The following SLC14A1 variants were observed in gnomAD, a reference collection of about 807,000 sequenced individuals.
The protein encoded by SLC14A1 is solute carrier family 14 member 1 (Kidd blood group).
In SLC14A1, 36 loss-of-function variants were observed where a neutral mutation model predicts 39.6. That is an observed-to-expected ratio of 0.91 (90% CI 0.70 to 1.20). The LOEUF (loss-of-function observed/expected upper bound fraction) is 1.20. SLC14A1 is among the 50% of genes most tolerant of loss of function. The pLI is 0.00. For missense variants in SLC14A1, 469 were observed against 478.7 expected, an observed-to-expected ratio of 0.98 and a Z score of 0.19; for synonymous variants, 164 against 173.6, an observed-to-expected ratio of 0.94 and a Z score of 0.43.
Position 45,748,549 on chromosome 18 carries a change from G to T in SLC14A1, c.996+124G>T. 3 of 965,828 alleles carry T rather than the reference G, an allele frequency of 3.1e-6. No homozygotes were observed. In the South Asian group the frequency reaches 3.9e-5, roughly 12 times the overall value. The allele number at this position is 965,828 out of a possible 1,614,324, so 59.8% of individuals were successfully genotyped here. On this transcript the variant is annotated intron_variant, in intron 9 of 9. Transcript: ENST00000321925. The stretch of plus-strand genomic sequence containing the variant: ...AGGATCCATGACCATGAGAAGCACT[G>T]CTCTCCCTTCTCCTGGAGCTCCCTG...
chr18:45,750,086 T>C lies in SLC14A1; in HGVS notation c.*135T>C. On this transcript the variant is annotated 3_prime_UTR_variant, in exon 10 of 10. Coordinates refer to ENST00000321925, the MANE Select transcript of SLC14A1 (RefSeq NM_015865.7). ...CTGACGCGTCTGTAATCTGTTCTTATGCTCATTTTGTATTTTCCTTTCAAC... is the reference window on the plus strand; with the variant it reads ...CTGACGCGTCTGTAATCTGTTCTTACGCTCATTTTGTATTTTCCTTTCAAC... The C allele has an allele frequency of 1.3e-6, 2 of 1,573,730 alleles. No homozygotes were observed. Among genetic ancestry groups the C allele is most frequent in the Non-Finnish European group, 1.7e-6 (2 of 1,166,038 alleles).
At chr18:45,748,017 G>A (rs559060415) in intron 8 of SLC14A1, among the ~76,000 whole-genome samples, 5 of 152,302 alleles carry the variant, frequency 3.3e-5, no homozygotes, top group South Asian at 4.1e-4. Flanking sequence ...GCCATGGAAG[G>A]CCTTTCCCTT....
At chr18:45,725,200 GAATAT>G (rs1431585192) in intron 2 of SLC14A1, among the ~76,000 whole-genome samples, 187 bp downstream of exon 2, 2 of 152,186 alleles carry the variant, frequency 1.3e-5, no homozygotes, top group African/African-American at 2.4e-5. Flanking sequence ...GCTGGCAATA[GAATAT>G]ATTTTATTTC....
intron 8 of SLC14A1, among the ~76,000 whole-genome samples, chr18:45,742,346 TTTTTTGG>T (rs2047400237): frequency 2.4e-5 from 3 of 124,224 alleles, no homozygotes. Context: ...TTGTTTTTTG[TTTTTTGG>T]TTTTTTTTTT....
rs28898868 is a variant in SLC14A1, at chr18:45,735,486, A to T, written c.471-970A>T. Among the ~76,000 whole-genome samples the T allele has an allele frequency of 9.7e-3, 1,477 of 152,194 alleles. 26 individuals carry two copies. The highest frequency in any genetic ancestry group is 0.034 in the African/African-American group (1,414 of 41,518). On this transcript the variant is annotated intron_variant, in intron 5 of 9. Transcript: ENST00000321925. Reference sequence around the variant, plus strand: ...TTTTTTTTCAAACCCAAATCCTTCAAACTAGTTTTTATGTTGACAATGTCT... The same window carrying T: ...TTTTTTTTCAAACCCAAATCCTTCATACTAGTTTTTATGTTGACAATGTCT...
At position 45,751,813 on chromosome 18, in the gene SLC14A1, T is replaced by TTAA; in HGVS notation, c.*1863_*1864insAAT. 2 of 942,702 alleles carry TTAA rather than the reference T, an allele frequency of 2.1e-6. No homozygotes were observed. Among genetic ancestry groups the TTAA allele is most frequent in the Non-Finnish European group, 2.5e-6 (2 of 791,380 alleles). 58.4% of individuals were successfully genotyped at this position (942,702 alleles called of 1,614,324 possible). On this transcript the variant is annotated 3_prime_UTR_variant, in exon 10 of 10. Transcript: ENST00000321925. ...ATTAATTAATTAATTAATTAATTAATTTAAAAAGGAAGTCATGTTCATTTA... is the reference window on the plus strand; with the variant it reads ...ATTAATTAATTAATTAATTAATTAATTAATTAAAAAGGAAGTCATGTTCATTTA...
chr18:45,739,639 C>T lies in SLC14A1; in HGVS notation c.923C>T (p.Thr308Ile). 6.2e-7 allele frequency: 1 copy of T among 1,614,200 alleles called. No individual in the cohort carries two copies. Among genetic ancestry groups the T allele is most frequent in the Non-Finnish European group, 8.5e-7 (1 of 1,180,024 alleles). The change falls in exon 8 of 10, where the codon ACC becomes ATC. Residue 308 changes from threonine (T) to isoleucine (I), a missense_variant. Thr to Ile is a moderately conservative substitution (Grantham distance 89). Coordinates refer to ENST00000321925, the MANE Select transcript of SLC14A1 (RefSeq NM_015865.7). ...GGMFMALTWQ[T>I]HLLALGCALF... The stretch of plus-strand genomic sequence containing the variant: ...ATGTTCATGGCGCTCACCTGGCAAA[C>T]CCACCTCCTGGCTCTTGGCTGTGGT...
At chr18:45,734,050 G>A (rs2047108932) in intron 4 of SLC14A1, 2 of 506,466 alleles carry the variant, frequency 3.9e-6, no homozygotes, top group African/African-American at 1.9e-5. Context: ...CAAAAAGGCT[G>A]GGGACCACTG....
intron 7 of SLC14A1, 91 bp downstream of exon 7, chr18:45,739,401 A>T (rs755526152): frequency 3.1e-6 from 5 of 1,608,694 alleles, no homozygotes; most frequent in Non-Finnish European, 4.3e-6. Flanking sequence ...CTTCCTTGAG[A>T]TCTTGGCTTC....
At chr18:45,741,356 A>G (rs2047373757) in intron 8 of SLC14A1, among the ~76,000 whole-genome samples, 1 of 152,242 alleles carries the variant, frequency 6.6e-6, no homozygotes, top group African/African-American at 2.4e-5. Flanking sequence ...GAGGAGGGAT[A>G]GTGTAATGTG....
intron 4 of SLC14A1, chr18:45,731,609 T>C (rs2047032731): frequency 3.1e-6 from 1 of 323,328 alleles, no homozygotes; most frequent in African/African-American, 2.1e-5. Flanking sequence ...CTATGATGAG[T>C]TTAGGAAACT....
chr18:45,736,452 T>A lies in SLC14A1; in HGVS notation c.471-4T>A. The A allele has an allele frequency of 6.2e-7, 1 of 1,614,166 alleles. No homozygotes were observed. Reference sequence around the variant, plus strand: ...CACATTCTTTTGCTCTGTTCTTTTTTTAGCCCAATTTTCTCAAGTGCATTG... The same window carrying A: ...CACATTCTTTTGCTCTGTTCTTTTTATAGCCCAATTTTCTCAAGTGCATTG... On this transcript the variant is annotated splice_region_variant and splice_polypyrimidine_tract_variant and intron_variant, in intron 5 of 9. Coordinates refer to ENST00000321925, the MANE Select transcript of SLC14A1 (RefSeq NM_015865.7).
intron 2 of SLC14A1, among the ~76,000 whole-genome samples, chr18:45,727,971 C>G (rs888790486): frequency 1.3e-5 from 2 of 152,148 alleles, no homozygotes; most frequent in African/African-American, 4.8e-5. Flanking sequence ...TTCAGCTGTT[C>G]AGAATAAATG....
chr18:45,732,867 G>A (rs1309261232), intron 4 of SLC14A1, among the ~76,000 whole-genome samples: 2 of 152,180 alleles, frequency 1.3e-5, no homozygotes, highest in Non-Finnish European at 2.9e-5. Context: ...CCCATCAATG[G>A]TGGATTATAT....
chr18:45,738,454 TAACTA>T (rs2047260732), intron 6 of SLC14A1, among the ~76,000 whole-genome samples: 2 of 152,246 alleles, frequency 1.3e-5, no homozygotes, highest in Non-Finnish European at 1.5e-5. Context: ...GTGAACAGAA[TAACTA>T]AATTCAGGCC....
chr18:45,740,140 G>A (rs1383497812), intron 8 of SLC14A1, among the ~76,000 whole-genome samples: 2 of 152,216 alleles, frequency 1.3e-5, no homozygotes, highest in East Asian at 3.9e-4. Context: ...ACTGGGGATG[G>A]CAAGGACCTC....
intron 3 of SLC14A1, 25 bp downstream of exon 3, chr18:45,730,496 G>C (rs539445106): frequency 6.2e-7 from 1 of 1,613,528 alleles, no homozygotes; most frequent in Non-Finnish European, 8.5e-7. Context: ...ACATTTTGGA[G>C]AGACAGGAGA....
At chr18:45,734,151 C>T (rs574252667) in intron 4 of SLC14A1, 123 bp from the exon 5 acceptor site, 7 of 1,269,364 alleles carry the variant, frequency 5.5e-6, no homozygotes, top group African/African-American at 4.4e-5. Context: ...CTTTGAAATA[C>T]ATTTCCAAAT....
chr18:45,751,786 A>T lies in SLC14A1; in HGVS notation c.*1835A>T, dbSNP rs544373. 0.35 allele frequency: 289,276 copies of T among 829,988 alleles called. 53,551 individuals carry two copies. Among genetic ancestry groups the T allele is most frequent in the Non-Finnish European group, 0.38 (260,704 of 692,480 alleles). 51.4% of individuals were successfully genotyped at this position (829,988 alleles called of 1,614,324 possible). A position where few individuals can be genotyped will look rare whatever the true frequency, so the allele number is the denominator to read the frequency against. ...GACCGAGCAAGACCCTATCTCAAAA[A>T]AATTAATTAATTAATTAATTAATTA... is the stretch of plus-strand genomic sequence containing the variant. On this transcript the variant is annotated 3_prime_UTR_variant, in exon 10 of 10. Transcript: ENST00000321925.
Sources: allele counts gnomAD v4.1 joint callset (sites outside exome capture counted in the v4.1 genomes callset), GRCh38; gene constraint gnomAD v4.1.1; transcripts MANE v1.5; gene names NCBI Gene and HGNC (gene_info 2026-07-23, HGNC 2026-07-21).